Variants in SRPX observed in about 807,000 individuals in gnomAD.
The protein encoded by SRPX is sushi repeat-containing protein SRPX.
SRPX carries 24 observed loss-of-function variants against 38.1 expected under a neutral mutation model. The ratio of observed to expected loss-of-function variants is 0.63; its 90% CI spans 0.46 to 0.89. The LOEUF is 0.89. Ranked by LOEUF, SRPX falls within the 40% of genes least tolerant of loss-of-function variation. The pLI is 0.00. For synonymous variants in SRPX, 184 were observed against 153.8 expected (o/e 1.20, Z -1.45); for missense variants, 416 against 377.8 (o/e 1.10, Z -0.84).
chrX:38,154,667 C>G, intron 8 of SRPX, 84 bp from the exon 9 acceptor site: 13 of 1,102,653 alleles, frequency 1.2e-5, no homozygotes, highest in Non-Finnish European at 1.5e-5. Context: ...ACAGAAGCAG[C>G]ACTGGCCTGT....
rs1938087742 is a variant in SRPX, at chrX:38,154,429, G to A, written c.1211+33C>T. The A allele has an allele frequency of 3.4e-6, 4 of 1,183,222 alleles. No individual in the cohort carries two copies. The Admixed American group carries it at 7.2e-5, about 21-fold the overall frequency. ...TAATCAGTTAAAAATGCATTCACAG[G>A]GGATAAGATTTAAGAACAGAACTTC... On this transcript the variant is annotated intron_variant, in intron 9 of 9. Coordinates refer to ENST00000378533, the MANE Select transcript of SRPX (RefSeq NM_006307.5).
intron 1 of SRPX, among the ~76,000 whole-genome samples, chrX:38,188,929 C>A (rs1938841178): frequency 8.9e-6 from 1 of 111,841 alleles, no homozygotes; most frequent in Non-Finnish European, 1.9e-5. Flanking sequence ...TAAGTTAATT[C>A]GGTTTCCTCC....
chrX:38,167,098 T>C (rs1439410011), intron 4 of SRPX, among the ~76,000 whole-genome samples: 1 of 111,936 alleles, frequency 8.9e-6, no homozygotes, highest in Non-Finnish European at 1.9e-5. Flanking sequence ...ACCCTCCCTA[T>C]ATTATTTTAC....
intron 5 of SRPX, among the ~76,000 whole-genome samples, chrX:38,161,915 T>A (rs1027349920): frequency 8.9e-6 from 1 of 112,000 alleles, no homozygotes; most frequent in African/African-American, 3.2e-5. Flanking sequence ...CTGGGAATGA[T>A]GAGAATATTT....
intron 1 of SRPX, among the ~76,000 whole-genome samples, chrX:38,195,382 G>GTTT (rs10710053): frequency 3.4e-5 from 3 of 87,970 alleles, no homozygotes; most frequent in Non-Finnish European, 6.6e-5. Flanking sequence ...GGTGTTTGTG[G>GTTT]TTTTTTTTTT....
chrX:38,204,832 A>G (rs775658943), intron 1 of SRPX, among the ~76,000 whole-genome samples: 1 of 112,610 alleles, frequency 8.9e-6, no homozygotes, highest in Admixed American at 9.4e-5. Context: ...TCAAAGTCAA[A>G]GTACATTTCT....
At position 38,149,739 on chromosome X, in the gene SRPX, G is replaced by A. The variant is rs758284845; in HGVS notation, c.1367C>T (p.Ala456Val). The change falls in exon 10 of 10, where the codon GCC becomes GTC. Residue 456 changes from alanine to valine, a missense_variant. Physicochemically the swap from Ala to Val is moderately conservative, Grantham distance 64. Coordinates refer to ENST00000378533, the MANE Select transcript of SRPX (RefSeq NM_006307.5). ...GGTGTTACAGGTCTGGCTCATTTCG[G>A]CTTGTAGGACCATCTCTTCTTTTCT... ...PLRKEEMVLQ[A>V]EMSQTCNT 8.3e-7 allele frequency: 1 copy of A among 1,210,657 alleles called. No individual in the cohort carries two copies. The highest frequency in any genetic ancestry group is 3.0e-5 in the East Asian group (1 of 33,815).
intron 8 of SRPX, among the ~76,000 whole-genome samples, chrX:38,155,720 AT>A (rs1161880768): frequency 8.9e-6 from 1 of 112,523 alleles, no homozygotes; most frequent in East Asian, 2.8e-4. Flanking sequence ...TTCCTATGGA[AT>A]AAGAAGAGAT....
chrX:38,183,210 C>T (rs371110670), intron 1 of SRPX, among the ~76,000 whole-genome samples: 6 of 110,318 alleles, frequency 5.4e-5, no homozygotes, highest in South Asian at 4.0e-4. Context: ...TGCACCACTA[C>T]GCTCAGCTAA....
chrX:38,210,216 G>A (rs143454152), intron 1 of SRPX, among the ~76,000 whole-genome samples: 1 of 111,758 alleles, frequency 8.9e-6, no homozygotes, highest in South Asian at 3.8e-4. Flanking sequence ...TGTGGTCTGA[G>A]AATGTATATA....
intron 1 of SRPX, among the ~76,000 whole-genome samples, chrX:38,218,033 A>G (rs1290529669): frequency 8.9e-6 from 1 of 112,289 alleles, no homozygotes; most frequent in East Asian, 2.8e-4. Flanking sequence ...CACCTTAATT[A>G]TATAACCTGA....
At chrX:38,215,940 A>T (rs1202696120) in intron 1 of SRPX, among the ~76,000 whole-genome samples, 1 of 112,390 alleles carries the variant, frequency 8.9e-6, no homozygotes, top group African/African-American at 3.2e-5. Flanking sequence ...TGGTAATTTC[A>T]TCTTACTCTG....
chrX:38,161,044 T>G lies in SRPX; in HGVS notation c.664A>C (p.Lys222Gln), dbSNP rs1938246569. ...AAGTTGGAGCCTGGGGGGAGGCCTT[T>G]TAGAATGACACTTAGAGAAAAAAAA... ...ADGILTDVILKGLPPGSNFPE... is the reference protein window; with the variant it reads ...ADGILTDVILQGLPPGSNFPE... The change falls in exon 6 of 10, where the codon AAA (lysine) becomes CAA (glutamine). Residue 222 changes from lysine (K) to glutamine (Q), a missense_variant. By Grantham distance (53) the Lys-to-Gln change is moderately conservative. Transcript: ENST00000378533. 1 of 1,207,638 alleles carries G rather than the reference T, an allele frequency of 8.3e-7. No homozygotes were observed. Among genetic ancestry groups the G allele is most frequent in the African/African-American group, 1.8e-5 (1 of 56,862 alleles).
At chrX:38,204,625 C>T (rs1263934389) in intron 1 of SRPX, among the ~76,000 whole-genome samples, 2 of 111,662 alleles carry the variant, frequency 1.8e-5, no homozygotes, top group Non-Finnish European at 3.8e-5. Flanking sequence ...AATTATTTGG[C>T]GTTCATCCAA....
chrX:38,186,007 C>T (rs1352586571), intron 1 of SRPX, among the ~76,000 whole-genome samples: 1 of 110,627 alleles, frequency 9.0e-6, no homozygotes, highest in Non-Finnish European at 1.9e-5. Flanking sequence ...TATCCCTGTC[C>T]CCTGGCATTC....
chrX:38,213,532 A>G (rs1939373459), intron 1 of SRPX, among the ~76,000 whole-genome samples: 1 of 111,995 alleles, frequency 8.9e-6, no homozygotes, highest in Non-Finnish European at 1.9e-5. Context: ...AGCTCTAGAT[A>G]TGAGATGCTG....
At chrX:38,199,279 G>A (rs1474777873) in intron 1 of SRPX, among the ~76,000 whole-genome samples, 4 of 111,722 alleles carry the variant, frequency 3.6e-5, no homozygotes, top group Non-Finnish European at 7.5e-5. Context: ...GGTGGCGGGC[G>A]CCTGTAGTTC....
chrX:38,154,519 G>C lies in SRPX; in HGVS notation c.1154C>G (p.Thr385Ser). ...CTTTGCTCCTATCCTGCCAATGAGA[G>C]TCGGGAACACACCCACCAGCTCCAC... ...TVVELVGVFP[T>S]LIGRIGAKIM... is the part of the protein sequence containing the mutation. Residue 385 changes from threonine (T) to serine (S), a missense_variant, in exon 9 of 10, where the codon ACT becomes AGT. Thr to Ser is a moderately conservative substitution (Grantham distance 58). Coordinates refer to ENST00000378533, the MANE Select transcript of SRPX (RefSeq NM_006307.5). 3 of 1,207,545 alleles carry C rather than the reference G, an allele frequency of 2.5e-6. No individual in the cohort carries two copies. Among genetic ancestry groups the C allele is most frequent in the Non-Finnish European group, 3.4e-6 (3 of 893,498 alleles).
At chrX:38,171,795 G>A (rs1938474641) in intron 4 of SRPX, 86 bp downstream of exon 4, 2 of 997,919 alleles carry the variant, frequency 2.0e-6, no homozygotes, top group Non-Finnish European at 2.8e-6. Context: ...AGGAGGAATA[G>A]TGATGCTCCC....
Sources: allele counts gnomAD v4.1 joint callset (sites outside exome capture counted in the v4.1 genomes callset), GRCh38; gene constraint gnomAD v4.1.1; transcripts MANE v1.5; gene names NCBI Gene and HGNC (gene_info 2026-07-23, HGNC 2026-07-21).